FAT3: variants seen among roughly 807,000 people sequenced by gnomAD.
FAT3 encodes the protein FAT atypical cadherin 3.
A neutral mutation model predicts 310.2 loss-of-function variants in FAT3; 95 were observed. That is an observed-to-expected ratio of 0.31 (90% CI 0.26 to 0.36). FAT3 has a LOEUF of 0.36. Ranked by LOEUF, FAT3 falls within the 10% of genes least tolerant of loss-of-function variation. The pLI is 1.00. For missense variants in FAT3, 5,408 were observed against 5,715.6 expected (o/e 0.95, Z 1.74); for synonymous variants, 2,314 against 2,192.9 (o/e 1.06, Z -1.54).
At chr11:92,603,317 G>T (rs1207918107) in intron 3 of FAT3, among the ~76,000 whole-genome samples, 1 of 152,176 alleles carries the variant, frequency 6.6e-6, no homozygotes, top group Non-Finnish European at 1.5e-5. Flanking sequence ...GGAGAAACTA[G>T]ATTGTATATG....
At chr11:92,401,760 A>T (rs528200152) in intron 2 of FAT3, among the ~76,000 whole-genome samples, 2 of 152,342 alleles carry the variant, frequency 1.3e-5, no homozygotes, top group South Asian at 4.1e-4. Flanking sequence ...TACAAAGGTA[A>T]GCCCCAAAGC....
intron 2 of FAT3, among the ~76,000 whole-genome samples, chr11:92,491,992 A>G (rs1453657950): frequency 6.6e-6 from 1 of 152,014 alleles, no homozygotes. Context: ...TCTATATTCC[A>G]AAGTAGTTTG....
At chr11:92,477,507 C>T (rs1304090795) in intron 2 of FAT3, among the ~76,000 whole-genome samples, 2 of 152,146 alleles carry the variant, frequency 1.3e-5, no homozygotes, top group Non-Finnish European at 2.9e-5. Context: ...TAAATGTTCT[C>T]CAGTGTTCTT....
chr11:92,880,608 T>C, intron 22 of FAT3, 123 bp from the exon 23 acceptor site: 1 of 1,117,046 alleles, frequency 9.0e-7, no homozygotes, highest in Non-Finnish European at 1.2e-6. Flanking sequence ...TAACCACCTT[T>C]GGAATTTGGG....
Position 92,801,494 on chromosome 11 carries a change from G to A in FAT3, c.8481G>A (p.Met2827Ile), listed in dbSNP as rs1341179568. Residue 2827 changes from methionine (M) to isoleucine (I), a missense_variant, in exon 10 of 28, where the codon ATG (methionine) becomes ATA (isoleucine). Met to Ile is a conservative substitution (Grantham distance 10). Coordinates refer to ENST00000525166, the MANE Select transcript of FAT3 (RefSeq NM_001367949.2). The stretch of plus-strand genomic sequence containing the variant: ...ATGACACCATTATAATGGAAGGGAT[G>A]CCTGTTGGCACCAAACTCACACAAG... ...SSYDTIIMEGMPVGTKLTQVR... is the reference protein window; with the variant it reads ...SSYDTIIMEGIPVGTKLTQVR... 6.2e-7 allele frequency: 1 copy of A among 1,612,588 alleles called. No homozygotes were observed. The highest frequency in any genetic ancestry group is 8.5e-7 in the Non-Finnish European group (1 of 1,179,294).
chr11:92,619,838 T>G (rs917476682), intron 3 of FAT3, among the ~76,000 whole-genome samples: 3 of 152,094 alleles, frequency 2.0e-5, no homozygotes, highest in Non-Finnish European at 4.4e-5. Context: ...TTTTTTTCTA[T>G]TTCATTGATT....
intron 1 of FAT3, among the ~76,000 whole-genome samples, chr11:92,241,798 C>T (rs2134253918): frequency 6.6e-6 from 1 of 151,928 alleles, no homozygotes; most frequent in African/African-American, 2.4e-5. Context: ...TAAAAAAAAT[C>T]CCATTTGAAT....
At chr11:92,697,658 G>A (rs1286417945) in intron 4 of FAT3, among the ~76,000 whole-genome samples, 1 of 152,176 alleles carries the variant, frequency 6.6e-6, no homozygotes, top group East Asian at 1.9e-4. Context: ...GGCAGCCTTT[G>A]CCTTTTGCTG....
At chr11:92,623,940 C>T (rs917639263) in intron 3 of FAT3, among the ~76,000 whole-genome samples, 16 of 151,504 alleles carry the variant, frequency 1.1e-4, no homozygotes. Context: ...GAGACTCTGC[C>T]TCAAAGAAAA....
intron 3 of FAT3, among the ~76,000 whole-genome samples, chr11:92,558,067 A>T (rs899622930): frequency 1.3e-5 from 2 of 152,080 alleles, no homozygotes; most frequent in African/African-American, 4.8e-5. Context: ...ATGCTTAGAG[A>T]TATGAATCAG....
chr11:92,281,183 A>G (rs1946410907), intron 1 of FAT3, among the ~76,000 whole-genome samples: 1 of 152,080 alleles, frequency 6.6e-6, no homozygotes, highest in Non-Finnish European at 1.5e-5. Flanking sequence ...TGAAACACAA[A>G]CACATGTATA....
At chr11:92,405,397 G>T (rs1208222813) in intron 2 of FAT3, among the ~76,000 whole-genome samples, 1 of 152,170 alleles carries the variant, frequency 6.6e-6, no homozygotes, top group Non-Finnish European at 1.5e-5. Context: ...TTATTATTCA[G>T]CAAGAACTTG....
chr11:92,394,269 G>C (rs1042796431), intron 2 of FAT3, among the ~76,000 whole-genome samples: 4 of 152,128 alleles, frequency 2.6e-5, no homozygotes, highest in African/African-American at 9.7e-5. Context: ...AGCAGTTAGA[G>C]ACCAGCCTGG....
Position 92,800,818 on chromosome 11 carries a change from C to G in FAT3, c.7805C>G (p.Thr2602Arg), listed in dbSNP as rs1374026693. 1 of 1,613,784 alleles carries G rather than the reference C, an allele frequency of 6.2e-7. No individual in the cohort carries two copies. Among genetic ancestry groups the G allele is most frequent in the Admixed American group, 1.7e-5 (1 of 60,004 alleles). ...DENDNAPQFMTVEYRASVRAD... is the reference protein window; with the variant it reads ...DENDNAPQFMRVEYRASVRAD... ...AATGACAATGCTCCCCAGTTCATGACAGTGGAATATAGAGCCAGTGTCAGG... is the reference window on the plus strand; with the variant it reads ...AATGACAATGCTCCCCAGTTCATGAGAGTGGAATATAGAGCCAGTGTCAGG... Residue 2602 changes from threonine (T) to arginine (R), a missense_variant, in exon 10 of 28, where the codon ACA becomes AGA. Transcript: ENST00000525166.
At chr11:92,720,167 G>T (rs1944820656) in intron 4 of FAT3, among the ~76,000 whole-genome samples, 1 of 151,952 alleles carries the variant, frequency 6.6e-6, no homozygotes. Context: ...TTAAAGTAGA[G>T]TAAGAGGTTG....
At chr11:92,550,338 TG>T (rs1404441032) in intron 3 of FAT3, among the ~76,000 whole-genome samples, 1 of 152,220 alleles carries the variant, frequency 6.6e-6, no homozygotes, top group East Asian at 1.9e-4. Context: ...ACTGTGATGT[TG>T]TAAATGTTCA....
intron 8 of FAT3, among the ~76,000 whole-genome samples, chr11:92,792,255 G>A (rs1229579837): frequency 6.6e-6 from 1 of 152,166 alleles, no homozygotes; most frequent in Non-Finnish European, 1.5e-5. Flanking sequence ...TTGAGGGCAG[G>A]AACTGTATCC....
chr11:92,406,475 T>C (rs999358005), intron 2 of FAT3: 1 of 152,202 alleles, frequency 6.6e-6, no homozygotes, highest in African/African-American at 2.4e-5. Context: ...TCCTTAAAAA[T>C]TCCTTTATAA....
intron 3 of FAT3, among the ~76,000 whole-genome samples, chr11:92,619,255 A>C (rs1565462268): frequency 6.6e-6 from 1 of 152,090 alleles, no homozygotes; most frequent in East Asian, 1.9e-4. Context: ...TTTGTTGATA[A>C]CTTTTGCATA....
Sources: allele counts gnomAD v4.1 joint callset (sites outside exome capture counted in the v4.1 genomes callset), GRCh38; gene constraint gnomAD v4.1.1; transcripts MANE v1.5; gene names NCBI Gene and HGNC (gene_info 2026-07-23, HGNC 2026-07-21).